The following TUFT1 variants were observed in gnomAD, a reference collection of about 807,000 sequenced individuals.
TUFT1 encodes tuftelin.
Under a neutral mutation model 57.8 loss-of-function variants are expected in TUFT1, and 43 were observed. The observed-to-expected ratio is 0.74, with a 90% confidence interval of 0.58 to 0.96. TUFT1 has a LOEUF of 0.96. TUFT1 is among the 40% of genes least tolerant of loss of function. The pLI, the probability that TUFT1 is intolerant of heterozygous loss-of-function variation, is 0.00. For missense variants in TUFT1, 459 were observed against 489.0 expected (o/e 0.94, Z 0.58); for synonymous variants, 166 against 176.7 (o/e 0.94, Z 0.48).
At chr1:151,570,838 C>G (rs1189170851) in intron 7 of TUFT1, among the ~76,000 whole-genome samples, 2 of 152,168 alleles carry the variant, frequency 1.3e-5, no homozygotes, top group Non-Finnish European at 2.9e-5. Flanking sequence ...TCCTGAGTAG[C>G]TGGGACAACA....
At chr1:151,581,157 C>A in intron 12 of TUFT1, 115 bp downstream of exon 12, 1 of 974,406 alleles carries the variant, frequency 1.0e-6, no homozygotes, top group Non-Finnish European at 1.5e-6. Flanking sequence ...ATCCAACTTT[C>A]CTCCCTCAGT....
intron 1 of TUFT1, among the ~76,000 whole-genome samples, chr1:151,543,359 GTA>G (rs1665229052): frequency 7.1e-6 from 1 of 140,504 alleles, no homozygotes; most frequent in Non-Finnish European, 1.6e-5. Context: ...GTGTGTGTGT[GTA>G]TTATATATGT....
intron 1 of TUFT1, among the ~76,000 whole-genome samples, chr1:151,552,095 A>G (rs943418868): frequency 9.2e-5 from 14 of 152,194 alleles, no homozygotes; most frequent in African/African-American, 2.9e-4. Flanking sequence ...TGCTTTTTAT[A>G]TAAGTGGAAT....
At chr1:151,571,943 CCAGGAGGCCT>C (rs145076570) in intron 7 of TUFT1, among the ~76,000 whole-genome samples, 1,536 of 152,184 alleles carry the variant, frequency 0.01, 23 homozygotes, top group African/African-American at 0.03. Flanking sequence ...CACCTGTGAG[CCAGGAGGCCT>C]CAGGAGGCCT....
intron 1 of TUFT1, among the ~76,000 whole-genome samples, chr1:151,548,535 T>A (rs968416539): frequency 5.9e-5 from 9 of 152,096 alleles, no homozygotes; most frequent in Non-Finnish European, 1.3e-4. Context: ...TCTCTTAACC[T>A]CGTGATTCGC....
intron 1 of TUFT1, among the ~76,000 whole-genome samples, chr1:151,560,956 T>TTGTGTGTGTG (rs68056033): frequency 9.3e-4 from 123 of 132,538 alleles, no homozygotes; most frequent in African/African-American, 2.7e-3. Context: ...CTGCAAAGTA[T>TTGTGTGTGTG]TGTGTGTGTG....
intron 1 of TUFT1, among the ~76,000 whole-genome samples, chr1:151,552,049 C>G (rs1444457402): frequency 6.6e-6 from 1 of 152,158 alleles, no homozygotes; most frequent in Admixed American, 6.5e-5. Context: ...ATCCTGACTT[C>G]TAAAGTGCAA....
rs146188498 is a variant in TUFT1 at position 151,580,788 on chromosome 1, A to T, written c.1009-154A>T. 3.4e-3 allele frequency among the ~76,000 whole-genome samples: 512 copies of T among 152,084 alleles called. 2 individuals are homozygous for T. The highest frequency in any genetic ancestry group is 0.012 in the African/African-American group (494 of 41,496). On this transcript the variant is annotated intron_variant, in intron 11 of 12. Transcript: ENST00000368849. ...ATAAGCGCAATCTATGGTAATGAAG[A>T]TGAGGCAAGTGGGTATCCAGGTGGT...
Position 151,561,657 on chromosome 1 carries a change from A to C in TUFT1, c.61-434A>C, listed in dbSNP as rs868697221. On this transcript the variant is annotated intron_variant, in intron 1 of 12. Transcript: ENST00000368849. ...GAATTCAGGTACTTTCCTATAGTTTAGTTCAGGAAGAATATGCTAGTCTTG... is the reference window on the plus strand; with the variant it reads ...GAATTCAGGTACTTTCCTATAGTTTCGTTCAGGAAGAATATGCTAGTCTTG... 2.0e-4 allele frequency: 244 copies of C among 1,217,898 alleles called. 6 individuals are homozygous for C. The South Asian group carries it at 3.4e-3, about 17-fold the overall frequency. The allele number at this position is 1,217,898 out of a possible 1,614,324, so 75.4% of individuals were successfully genotyped here.
At chr1:151,540,470 G>A (rs1665124510) in intron 1 of TUFT1, 44 bp downstream of exon 1, 1 of 1,610,788 alleles carries the variant, frequency 6.2e-7, no homozygotes, top group Non-Finnish European at 8.5e-7. Flanking sequence ...TTGTATTCCC[G>A]GTTTCTAAGT....
At chr1:151,577,871 T>G (rs1298555479) in intron 9 of TUFT1, among the ~76,000 whole-genome samples, 1 of 151,992 alleles carries the variant, frequency 6.6e-6, no homozygotes, top group Non-Finnish European at 1.5e-5. Context: ...AAAAATTTTT[T>G]TTTAGTTAGC....
intron 7 of TUFT1, among the ~76,000 whole-genome samples, chr1:151,570,034 G>A (rs934282084): frequency 2.0e-5 from 3 of 152,220 alleles, no homozygotes; most frequent in African/African-American, 4.8e-5. Context: ...ATCTGGGGCA[G>A]CCGGTGATTC....
rs1666403429 is a variant in TUFT1 at position 151,574,897 on chromosome 1, T to C, written c.724-14T>C. ...CATCTTCTCATCCTAGATTTTCTTT[T>C]GTGGCCCACCCAGGAGCATCAGGCC... On this transcript the variant is annotated splice_polypyrimidine_tract_variant and intron_variant, in intron 8 of 12. Coordinates refer to ENST00000368849, the MANE Select transcript of TUFT1 (RefSeq NM_020127.3). The C allele has an allele frequency of 1.3e-6, 2 of 1,558,448 alleles. No individual in the cohort carries two copies. Among genetic ancestry groups the C allele is most frequent in the East Asian group, 2.4e-5 (1 of 41,846 alleles).
chr1:151,550,692 A>G (rs1380693994), intron 1 of TUFT1, among the ~76,000 whole-genome samples: 2 of 152,164 alleles, frequency 1.3e-5, no homozygotes, highest in Non-Finnish European at 2.9e-5. Flanking sequence ...TATTCATGTC[A>G]ATGCATGTTT....
At chr1:151,580,900 G>A in intron 11 of TUFT1, 42 bp from the exon 12 acceptor site, 2 of 1,592,496 alleles carry the variant, frequency 1.3e-6, no homozygotes, top group Non-Finnish European at 1.7e-6. Context: ...CACCCGGGAA[G>A]CCAGAAAAAG....
chr1:151,578,867 C>T, intron 10 of TUFT1, 41 bp downstream of exon 10: 2 of 1,478,306 alleles, frequency 1.4e-6, no homozygotes, highest in South Asian at 2.4e-5. Context: ...GGGGAGTCAC[C>T]CCAAGTCTAT....
chr1:151,565,969 T>G, intron 5 of TUFT1, 194 bp from the exon 6 acceptor site: 1 of 472,494 alleles, frequency 2.1e-6, no homozygotes, highest in Non-Finnish European at 3.9e-6. Context: ...CTTCGTTCCT[T>G]CTTCCTCTTC....
chr1:151,576,274 A>C (rs1380113418), intron 9 of TUFT1, among the ~76,000 whole-genome samples: 1 of 152,154 alleles, frequency 6.6e-6, no homozygotes, highest in Non-Finnish European at 1.5e-5. Flanking sequence ...AAACCCCAGG[A>C]TACTCTCCCA....
chr1:151,550,650 T>C (rs1665480671), intron 1 of TUFT1, among the ~76,000 whole-genome samples: 2 of 152,258 alleles, frequency 1.3e-5, no homozygotes, highest in South Asian at 4.1e-4. Flanking sequence ...TGGCCCCAGC[T>C]TGCTTTTTCA....
Sources: allele counts gnomAD v4.1 joint callset (sites outside exome capture counted in the v4.1 genomes callset), GRCh38; gene constraint gnomAD v4.1.1; transcripts MANE v1.5; gene names NCBI Gene and HGNC (gene_info 2026-07-23, HGNC 2026-07-21).